The following KCND2 variants were observed in gnomAD, a reference collection of about 807,000 sequenced individuals.
KCND2 encodes the protein A-type voltage-gated potassium channel KCND2.
Under a neutral mutation model 54.4 loss-of-function variants are expected in KCND2, and 16 were observed. The ratio of observed to expected loss-of-function variants is 0.29; its 90% CI spans 0.20 to 0.45. The LOEUF (loss-of-function observed/expected upper bound fraction) is 0.45, where lower values mean the gene tolerates loss of function less well. Among genes scored for constraint, KCND2 ranks in the 20% least tolerant of loss-of-function variants. KCND2 has a pLI of 1.00. For synonymous variants in KCND2, 317 were observed against 310.7 expected, an observed-to-expected ratio of 1.02 and a Z score of -0.21; for missense variants, 486 against 824.2, an observed-to-expected ratio of 0.59 and a Z score of 5.02.
intron 1 of KCND2, among the ~76,000 whole-genome samples, chr7:120,324,618 G>A (rs1240276542): frequency 7.0e-4 from 102 of 145,872 alleles, no homozygotes; most frequent in African/African-American, 1.9e-3. Context: ...GTAGATAAGC[G>A]GTGTTATTTC....
intron 1 of KCND2, among the ~76,000 whole-genome samples, chr7:120,421,595 C>A (rs985758779): frequency 6.6e-6 from 1 of 152,132 alleles, no homozygotes; most frequent in African/African-American, 2.4e-5. Flanking sequence ...TCTGCATTTC[C>A]CAAAGATTCA....
chr7:120,413,755 C>A (rs994509486), intron 1 of KCND2, among the ~76,000 whole-genome samples: 4 of 151,878 alleles, frequency 2.6e-5, no homozygotes, highest in African/African-American at 9.7e-5. Context: ...TGTTAGTAGA[C>A]ACTTCCTAAC....
intron 1 of KCND2, among the ~76,000 whole-genome samples, chr7:120,516,219 T>A (rs1000486172): frequency 5.9e-5 from 9 of 152,256 alleles, no homozygotes; most frequent in African/African-American, 1.7e-4. Context: ...CATTAGAAAA[T>A]TAGTTTTATT....
chr7:120,737,075 CAA>C (rs1554393285), intron 2 of KCND2, among the ~76,000 whole-genome samples: 5 of 112,956 alleles, frequency 4.4e-5, no homozygotes, highest in African/African-American at 7.3e-5. Flanking sequence ...CACACACACA[CAA>C]ACAAAAAAAA....
intron 1 of KCND2, among the ~76,000 whole-genome samples, chr7:120,496,396 T>C (rs2116309518): frequency 6.6e-6 from 1 of 151,898 alleles, no homozygotes; most frequent in South Asian, 2.1e-4. Flanking sequence ...TTCTTGAAGC[T>C]TTTCTTTTAT....
rs151116039 is a variant in KCND2, at chr7:120,622,715, TCACACA to T, written c.1116-110171_1116-110166del. Among the ~76,000 whole-genome samples the T allele has an allele frequency of 8.4e-4, 107 of 127,250 alleles. 1 individual carries two copies. Among genetic ancestry groups the T allele is most frequent in the South Asian group, 2.8e-3 (12 of 4,278 alleles). The allele number at this position is 127,250 out of a possible 152,430, so 83.5% of individuals were successfully genotyped here. On this transcript the variant is annotated intron_variant, in intron 1 of 5. Transcript: ENST00000331113. ...CTCTCTCTCTCTCTCTCTCTCTCTC[TCACACA>T]CACACACACACACACAAACACATGC...
intron 1 of KCND2, among the ~76,000 whole-genome samples, chr7:120,482,810 A>G (rs193231530): frequency 1.3e-5 from 2 of 152,358 alleles, no homozygotes; most frequent in East Asian, 3.9e-4. Flanking sequence ...GCAGCAAAAA[A>G]AACAGGCTAA....
At chr7:120,659,934 A>C (rs1284416419) in intron 1 of KCND2, among the ~76,000 whole-genome samples, 3 of 152,178 alleles carry the variant, frequency 2.0e-5, no homozygotes, top group Non-Finnish European at 4.4e-5. Flanking sequence ...TAATTAAGGA[A>C]AATATAGCAG....
chr7:120,493,833 G>C (rs1802816063), intron 1 of KCND2, among the ~76,000 whole-genome samples: 1 of 152,078 alleles, frequency 6.6e-6, no homozygotes, highest in African/African-American at 2.4e-5. Context: ...ATGATTAAAA[G>C]TATTCATAGG....
chr7:120,542,826 G>A (rs139358450), intron 1 of KCND2, among the ~76,000 whole-genome samples: 274 of 152,186 alleles, frequency 1.8e-3, no homozygotes, highest in African/African-American at 6.3e-3. Context: ...TTACAATGTA[G>A]CAAATAGCAA....
At chr7:120,448,531 T>G (rs1371601264) in intron 1 of KCND2, among the ~76,000 whole-genome samples, 1 of 152,030 alleles carries the variant, frequency 6.6e-6, no homozygotes, top group Non-Finnish European at 1.5e-5. Flanking sequence ...TTATAATCCT[T>G]TGGGTATATA....
chr7:120,392,949 T>C (rs1801100007), intron 1 of KCND2, among the ~76,000 whole-genome samples: 1 of 152,038 alleles, frequency 6.6e-6, no homozygotes, highest in Admixed American at 6.6e-5. Flanking sequence ...AAACAATACA[T>C]GTATCAGTTA....
intron 1 of KCND2, among the ~76,000 whole-genome samples, chr7:120,717,060 G>A (rs182437647): frequency 2.0e-5 from 3 of 151,998 alleles, no homozygotes; most frequent in African/African-American, 7.2e-5. Context: ...TTTCTCCCTC[G>A]TAATATCTCA....
rs537387742 is a variant in KCND2, at chr7:120,398,183, A to G, written c.1115+122436A>G. ...TATATACACACACACACACACACAT[A>G]TATATATATTTAACAGTAAGATGAC... is the stretch of plus-strand genomic sequence containing the variant. On this transcript the variant is annotated intron_variant, in intron 1 of 5. Transcript: ENST00000331113. 5.8e-3 allele frequency among the ~76,000 whole-genome samples: 779 copies of G among 133,414 alleles called. 8 individuals carry two copies. The highest frequency in any genetic ancestry group is 0.02 in the African/African-American group (738 of 36,208). The allele number at this position is 133,414 out of a possible 152,430, so 87.5% of individuals were successfully genotyped here. A position where few individuals can be genotyped will look rare whatever the true frequency, so the allele number is the denominator to read the frequency against.
chr7:120,718,833 G>A (rs773178114), intron 1 of KCND2, among the ~76,000 whole-genome samples: 2 of 152,146 alleles, frequency 1.3e-5, no homozygotes, highest in African/African-American at 2.4e-5. Context: ...TTCAGGAGGA[G>A]TTAGATCCCA....
At chr7:120,506,557 T>G (rs1396388177) in intron 1 of KCND2, among the ~76,000 whole-genome samples, 1 of 151,880 alleles carries the variant, frequency 6.6e-6, no homozygotes, top group Non-Finnish European at 1.5e-5. Context: ...CCCTATTCAT[T>G]AGACCAAACT....
chr7:120,351,595 G>T (rs1028845389), intron 1 of KCND2, among the ~76,000 whole-genome samples: 2 of 151,878 alleles, frequency 1.3e-5, no homozygotes, highest in African/African-American at 4.8e-5. Flanking sequence ...TGCAGGTTCA[G>T]AGTTGGGGAC....
chr7:120,402,708 A>C (rs1224862284), intron 1 of KCND2, among the ~76,000 whole-genome samples: 1 of 152,146 alleles, frequency 6.6e-6, no homozygotes, highest in Non-Finnish European at 1.5e-5. Flanking sequence ...TGTACTTTTA[A>C]AAATGTTCCC....
At chr7:120,427,374 A>G (rs999801816) in intron 1 of KCND2, among the ~76,000 whole-genome samples, 2 of 152,190 alleles carry the variant, frequency 1.3e-5, no homozygotes, top group Non-Finnish European at 2.9e-5. Flanking sequence ...GTACCATTCA[A>G]ATATCATTCA....
Sources: allele counts gnomAD v4.1 joint callset (sites outside exome capture counted in the v4.1 genomes callset), GRCh38; gene constraint gnomAD v4.1.1; transcripts MANE v1.5; gene names NCBI Gene and HGNC (gene_info 2026-07-23, HGNC 2026-07-21).